Variants in ADCY2 observed in about 807,000 individuals in gnomAD.
ADCY2 encodes adenylate cyclase type 2.
Under a neutral mutation model 125.2 loss-of-function variants are expected in ADCY2, and 31 were observed. That is an observed-to-expected ratio of 0.25 (90% CI 0.19 to 0.33). The LOEUF (loss-of-function observed/expected upper bound fraction) is 0.33, where lower values mean the gene tolerates loss of function less well. ADCY2 is among the 10% of genes least tolerant of loss of function. The pLI is 1.00. For synonymous variants in ADCY2, 512 were observed against 548.4 expected (o/e 0.93, Z 0.93); for missense variants, 904 against 1,418.2 (o/e 0.64, Z 5.82).
At chr5:7,575,791 C>G (rs569980915) in intron 3 of ADCY2, among the ~76,000 whole-genome samples, 8 of 152,052 alleles carry the variant, frequency 5.3e-5, no homozygotes, top group African/African-American at 1.9e-4. Flanking sequence ...ACAAAATGTT[C>G]TAACACCAAT....
intron 2 of ADCY2, among the ~76,000 whole-genome samples, chr5:7,484,771 CT>C (rs1401721898): frequency 2.6e-5 from 4 of 152,114 alleles, no homozygotes; most frequent in Admixed American, 6.5e-5. Context: ...TTTTGTTTTC[CT>C]TTCTCTTCTG....
intron 20 of ADCY2, chr5:7,794,341 G>A (rs1744353742): frequency 6.6e-6 from 1 of 152,118 alleles, no homozygotes; most frequent in Non-Finnish European, 1.5e-5. Flanking sequence ...ACTATTAAAA[G>A]GAGCCCCCAA....
In ADCY2 at chr5:7,396,794, T is replaced by C. The variant is rs1739066343; in HGVS notation, c.210+288T>C. On this transcript the variant is annotated intron_variant, in intron 1 of 24. Coordinates refer to ENST00000338316, the MANE Select transcript of ADCY2 (RefSeq NM_020546.3). This position sits in a 1 kb window ranked among gnomAD's most constrained non-coding sequence, Gnocchi z 5.7. Reference sequence around the variant, plus strand: ...GCAGGGCGTGTGCTTTTTGCATCTTTGCGCACCCGCTGGCAAACTCTGCGC... The same window carrying C: ...GCAGGGCGTGTGCTTTTTGCATCTTCGCGCACCCGCTGGCAAACTCTGCGC... Among the ~76,000 whole-genome samples the C allele has an allele frequency of 6.6e-6, 1 of 152,132 alleles. No individual in the cohort carries two copies. Among genetic ancestry groups the C allele is most frequent in the African/African-American group, 2.4e-5 (1 of 41,460 alleles).
chr5:7,405,804 A>G (rs909627378), intron 1 of ADCY2, among the ~76,000 whole-genome samples: 1 of 152,220 alleles, frequency 6.6e-6, no homozygotes, highest in Non-Finnish European at 1.5e-5. Context: ...ATGCTGAGCA[A>G]CCCTAATTAC....
chr5:7,685,573 A>T (rs1433863563), intron 4 of ADCY2, among the ~76,000 whole-genome samples: 1 of 152,238 alleles, frequency 6.6e-6, no homozygotes, highest in East Asian at 1.9e-4. Flanking sequence ...TAGTAAGAGT[A>T]AGAGTTTTAA....
chr5:7,792,536 G>A (rs2126508820), intron 20 of ADCY2, among the ~76,000 whole-genome samples: 1 of 152,076 alleles, frequency 6.6e-6, no homozygotes, highest in South Asian at 2.1e-4. Context: ...CCTGGCCCCA[G>A]GGTTCAGCCT....
intron 3 of ADCY2, among the ~76,000 whole-genome samples, chr5:7,536,960 A>G (rs1734833238): frequency 6.6e-6 from 1 of 152,206 alleles, no homozygotes; most frequent in Admixed American, 6.5e-5. Context: ...AAGAACAGTC[A>G]TTTCTAATCA....
intron 4 of ADCY2, among the ~76,000 whole-genome samples, chr5:7,666,538 G>A (rs1282363515): frequency 6.6e-6 from 1 of 152,216 alleles, no homozygotes; most frequent in African/African-American, 2.4e-5. Flanking sequence ...AAAGTGCTGG[G>A]TTTACAGGCG....
chr5:7,499,585 A>G (rs1026923104), intron 2 of ADCY2, among the ~76,000 whole-genome samples: 3 of 150,200 alleles, frequency 2.0e-5, no homozygotes, highest in African/African-American at 4.9e-5. Context: ...TTTAAAGCTA[A>G]CAAAGCAAAT....
intron 3 of ADCY2, among the ~76,000 whole-genome samples, chr5:7,588,871 A>C (rs1473362993): frequency 1.3e-5 from 2 of 152,222 alleles, no homozygotes; most frequent in Non-Finnish European, 2.9e-5. Flanking sequence ...ATCAAAGAGC[A>C]AAGAAACAAA....
chr5:7,588,132 G>T (rs6555478), intron 3 of ADCY2, among the ~76,000 whole-genome samples: 149,805 of 152,274 alleles, frequency 0.98, 73,737 homozygotes, highest in Middle Eastern at 1. Flanking sequence ...GCTGATAAGC[G>T]TTCCTTATTT....
chr5:7,538,082 T>C (rs982521494), intron 3 of ADCY2, among the ~76,000 whole-genome samples: 2 of 152,198 alleles, frequency 1.3e-5, no homozygotes, highest in Non-Finnish European at 1.5e-5. Context: ...CCATCTACCC[T>C]GGGAGCTCCG....
intron 7 of ADCY2, among the ~76,000 whole-genome samples, chr5:7,704,203 G>C (rs76700334): frequency 0.016 from 2,416 of 152,094 alleles, 56 homozygotes; most frequent in African/African-American, 0.047. Flanking sequence ...CTGGTGAGGG[G>C]AACGTGCACA....
chr5:7,575,417 T>G (rs1031336082), intron 3 of ADCY2, among the ~76,000 whole-genome samples: 1 of 152,184 alleles, frequency 6.6e-6, no homozygotes, highest in African/African-American at 2.4e-5. Flanking sequence ...TAATGTATGA[T>G]TGCTTAGGTT....
chr5:7,492,445 C>T lies in ADCY2; in HGVS notation c.409-28293C>T, dbSNP rs1195087172. On this transcript the variant is annotated intron_variant, in intron 2 of 24. Transcript: ENST00000338316. ...TTAGATTGCAGGACGTTAAGACCAGCCCCTGGGAGCTCAGTTAGAAAATGA... is the reference window on the plus strand; with the variant it reads ...TTAGATTGCAGGACGTTAAGACCAGTCCCTGGGAGCTCAGTTAGAAAATGA... 3.3e-5 allele frequency among the ~76,000 whole-genome samples: 5 copies of T among 152,244 alleles called. No individual in the cohort carries two copies. In the East Asian group the frequency reaches 5.8e-4, roughly 18 times the overall value.
intron 14 of ADCY2, among the ~76,000 whole-genome samples, chr5:7,741,758 C>CA (rs1491391406): frequency 1.9e-3 from 3 of 1,584 alleles, no homozygotes; most frequent in South Asian, 0.018. Flanking sequence ...ATCACCATCC[C>CA]TATCACTGTC....
intron 4 of ADCY2, among the ~76,000 whole-genome samples, chr5:7,634,599 T>C (rs1188981446): frequency 6.6e-6 from 1 of 152,216 alleles, no homozygotes; most frequent in Non-Finnish European, 1.5e-5. Flanking sequence ...AACACATTCA[T>C]ACCCTTTTCA....
intron 20 of ADCY2, chr5:7,795,282 G>A (rs919862283): frequency 6.6e-6 from 1 of 152,226 alleles, no homozygotes; most frequent in Admixed American, 6.5e-5. Flanking sequence ...TATCTTTTAA[G>A]CAAATATCCC....
intron 7 of ADCY2, among the ~76,000 whole-genome samples, chr5:7,701,395 A>C (rs546587771): frequency 6.6e-6 from 1 of 152,314 alleles, no homozygotes; most frequent in South Asian, 2.1e-4. Flanking sequence ...CTTACATTAC[A>C]TGCACTGGCA....
Sources: gnomAD v4.1 joint callset for allele counts (sites outside exome capture counted in the v4.1 genomes callset) on GRCh38, gnomAD v4.1.1 for gene constraint, Gnocchi (gnomAD v3.1) non-coding constraint, MANE v1.5 for transcripts, NCBI Gene and HGNC (gene_info 2026-07-23, HGNC 2026-07-21) for gene names.